Variants in SEZ6L observed in about 807,000 individuals in gnomAD.
SEZ6L encodes the protein seizure 6-like protein.
A neutral mutation model predicts 106.2 loss-of-function variants in SEZ6L; 37 were observed. The ratio of observed to expected loss-of-function variants is 0.35; its 90% CI spans 0.27 to 0.46. The LOEUF (loss-of-function observed/expected upper bound fraction) is 0.46. Ranked by LOEUF, SEZ6L falls within the 20% of genes least tolerant of loss-of-function variation. SEZ6L has a pLI of 1.00. For synonymous variants in SEZ6L, 541 were observed against 570.4 expected, an observed-to-expected ratio of 0.95 and a Z score of 0.73; for missense variants, 1,172 against 1,332.8, an observed-to-expected ratio of 0.88 and a Z score of 1.88.
chr22:26,366,069 C>A (rs568142701), intron 13 of SEZ6L, among the ~76,000 whole-genome samples: 2 of 152,148 alleles, frequency 1.3e-5, no homozygotes, highest in Non-Finnish European at 2.9e-5. Flanking sequence ...CAGTAGCTCA[C>A]GCCTGTAATC....
chr22:26,192,441 A>G (rs1298479992), intron 1 of SEZ6L, among the ~76,000 whole-genome samples: 1 of 152,172 alleles, frequency 6.6e-6, no homozygotes, highest in Non-Finnish European at 1.5e-5. Flanking sequence ...CTCAATTTAC[A>G]TATACCTGTA....
At chr22:26,221,616 T>C (rs959525157) in intron 1 of SEZ6L, among the ~76,000 whole-genome samples, 11 of 152,224 alleles carry the variant, frequency 7.2e-5, no homozygotes, top group Admixed American at 3.3e-4. Context: ...ATGGCTATCA[T>C]TACTATTGTT....
At chr22:26,265,807 G>A (rs1488144693) in intron 1 of SEZ6L, among the ~76,000 whole-genome samples, 1 of 152,158 alleles carries the variant, frequency 6.6e-6, no homozygotes, top group Non-Finnish European at 1.5e-5. Context: ...TGCCTTTGAT[G>A]TCCTAGGAGC....
intron 13 of SEZ6L, among the ~76,000 whole-genome samples, chr22:26,369,514 G>A (rs1195098925): frequency 6.6e-6 from 1 of 150,930 alleles, no homozygotes; most frequent in Non-Finnish European, 1.5e-5. Flanking sequence ...CTAATTTTTT[G>A]TATTTTTAGT....
intron 4 of SEZ6L, 51 bp downstream of exon 4, chr22:26,297,131 T>A: frequency 6.9e-7 from 1 of 1,451,566 alleles, no homozygotes; most frequent in Non-Finnish European, 9.2e-7. Flanking sequence ...TCAGTTTCCC[T>A]CTGGAGAAAA....
At chr22:26,176,092 C>CT (rs138343153) in intron 1 of SEZ6L, among the ~76,000 whole-genome samples, 3,291 of 152,310 alleles carry the variant, frequency 0.022, 120 homozygotes, top group African/African-American at 0.074. Context: ...TGTCTTTGTG[C>CT]TTTTCCTGTA....
At chr22:26,324,279 G>T (rs1475194602) in intron 9 of SEZ6L, among the ~76,000 whole-genome samples, 1 of 152,146 alleles carries the variant, frequency 6.6e-6, no homozygotes, top group Admixed American at 6.5e-5. Flanking sequence ...GCTCCAGCGT[G>T]CCTTCCTTTG....
rs148666049 is a variant in SEZ6L at position 26,375,614 on chromosome 22, A to G, written c.2867A>G (p.Asn956Ser). Residue 956 changes from asparagine (N) to serine (S), a missense_variant, in exon 15 of 17, where the codon AAC becomes AGC. Physicochemically the swap from Asn to Ser is conservative, Grantham distance 46. Around this residue, in one of 4 missense-constraint regions of SEZ6L, gnomAD observed 141 missense variants for 176.0 expected, o/e 0.80. Coordinates refer to ENST00000248933, the MANE Select transcript of SEZ6L (RefSeq NM_021115.5). ...GCAGAGACGTCGCTGGAAGGGGGGA[A>G]CATGGCCCTGGCTATCTTCATCCCG... ...AAAETSLEGG[N>S]MALAIFIPVL... The G allele has an allele frequency of 7.4e-6, 12 of 1,614,146 alleles. No individual in the cohort carries two copies. The highest frequency in any genetic ancestry group is 3.3e-4 in the Middle Eastern group (2 of 6,060).
At chr22:26,195,180 T>C (rs1272271382) in intron 1 of SEZ6L, among the ~76,000 whole-genome samples, 2 of 152,224 alleles carry the variant, frequency 1.3e-5, no homozygotes, top group African/African-American at 4.8e-5. Flanking sequence ...TTACCTGACG[T>C]GCCACCTCAA....
chr22:26,371,379 T>C (rs2084029952), intron 13 of SEZ6L, among the ~76,000 whole-genome samples: 1 of 152,206 alleles, frequency 6.6e-6, no homozygotes, highest in African/African-American at 2.4e-5. Context: ...CAATGTGTAA[T>C]ATGTCCATTT....
intron 1 of SEZ6L, among the ~76,000 whole-genome samples, chr22:26,262,745 G>C (rs971154509): frequency 6.6e-6 from 1 of 152,164 alleles, no homozygotes; most frequent in Non-Finnish European, 1.5e-5. Context: ...TGCATGGGTC[G>C]ATGGGGGAGC....
intron 12 of SEZ6L, among the ~76,000 whole-genome samples, chr22:26,354,814 G>C (rs1316830526): frequency 2.0e-5 from 3 of 152,192 alleles, no homozygotes; most frequent in African/African-American, 4.8e-5. Context: ...CTCAGCATTG[G>C]ATCTGCAGTG....
intron 9 of SEZ6L, among the ~76,000 whole-genome samples, chr22:26,327,021 G>T (rs975569037): frequency 6.6e-6 from 1 of 152,152 alleles, no homozygotes; most frequent in Non-Finnish European, 1.5e-5. Flanking sequence ...GATTGGCCAC[G>T]CCAGGGCTTT....
chr22:26,373,529 A>G, intron 14 of SEZ6L, 46 bp downstream of exon 14: 1 of 1,479,120 alleles, frequency 6.8e-7, no homozygotes, highest in Non-Finnish European at 9.3e-7. Flanking sequence ...AATCAAACTA[A>G]TAGCACAAAA....
chr22:26,303,916 GA>G (rs1213463010), intron 5 of SEZ6L, among the ~76,000 whole-genome samples: 2 of 152,138 alleles, frequency 1.3e-5, no homozygotes, highest in Non-Finnish European at 2.9e-5. Context: ...ATAAAAGATA[GA>G]AATGGCTCCC....
At chr22:26,185,617 G>C (rs1382998156) in intron 1 of SEZ6L, among the ~76,000 whole-genome samples, 1 of 152,100 alleles carries the variant, frequency 6.6e-6, no homozygotes, top group Non-Finnish European at 1.5e-5. Flanking sequence ...ACTTCACCTG[G>C]ATGATTCGAC....
At chr22:26,309,900 A>G (rs969198351) in intron 6 of SEZ6L, among the ~76,000 whole-genome samples, 1 of 146,710 alleles carries the variant, frequency 6.8e-6, no homozygotes, top group African/African-American at 2.5e-5. Context: ...GTGCAATTGT[A>G]CCCATTTTAC....
At chr22:26,181,710 T>G (rs1018535438) in intron 1 of SEZ6L, among the ~76,000 whole-genome samples, 1 of 152,194 alleles carries the variant, frequency 6.6e-6, no homozygotes, top group African/African-American at 2.4e-5. Context: ...TGAGGAGTTA[T>G]GAGGTGACTC....
At chr22:26,335,659 G>T (rs1186369436) in intron 9 of SEZ6L, among the ~76,000 whole-genome samples, 1 of 152,162 alleles carries the variant, frequency 6.6e-6, no homozygotes, top group Non-Finnish European at 1.5e-5. Flanking sequence ...GCTTCTGCCT[G>T]CAAGGTTCAC....
Sources: allele counts gnomAD v4.1 joint callset (sites outside exome capture counted in the v4.1 genomes callset), GRCh38; gene constraint gnomAD v4.1.1; regional missense constraint gnomAD v4.1.1; transcripts MANE v1.5; gene names NCBI Gene and HGNC (gene_info 2026-07-23, HGNC 2026-07-21).